Variants in SH3PXD2B observed in about 807,000 individuals in gnomAD.
SH3PXD2B encodes the protein SH3 and PX domain-containing protein 2B.
Under a neutral mutation model 73.1 loss-of-function variants are expected in SH3PXD2B, and 37 were observed. The observed-to-expected ratio is 0.51, with a 90% CI of 0.39 to 0.67. The LOEUF (loss-of-function observed/expected upper bound fraction) is 0.67, where lower values mean the gene tolerates loss of function less well. Among genes scored for constraint, SH3PXD2B ranks in the 30% least tolerant of loss-of-function variants. The pLI is 0.00. For missense variants in SH3PXD2B, 1,053 were observed against 1,197.8 expected, an observed-to-expected ratio of 0.88 and a Z score of 1.78; for synonymous variants, 457 against 480.5, an observed-to-expected ratio of 0.95 and a Z score of 0.64.
intron 5 of SH3PXD2B, among the ~76,000 whole-genome samples, chr5:172,378,198 C>T (rs1757860337): frequency 6.6e-6 from 1 of 152,212 alleles, no homozygotes; most frequent in African/African-American, 2.4e-5. Flanking sequence ...CAGCAGCTGC[C>T]CCTGGCCTGG....
chr5:172,365,385 A>G (rs1757490681), intron 6 of SH3PXD2B, among the ~76,000 whole-genome samples: 1 of 152,216 alleles, frequency 6.6e-6, no homozygotes, highest in African/African-American at 2.4e-5. Flanking sequence ...GCTATGGACA[A>G]AGCTGGACTC....
In SH3PXD2B at chr5:172,431,547, A is replaced by G. The variant is rs534272319; in HGVS notation, c.76-9051T>C. Reference sequence around the variant, plus strand: ...GTTTTTGTGCAACTAAAACAATTCCATGAATTACAGGGGAAAAGTTCAGGC... The same window carrying G: ...GTTTTTGTGCAACTAAAACAATTCCGTGAATTACAGGGGAAAAGTTCAGGC... On this transcript the variant is annotated intron_variant, in intron 1 of 12. Transcript: ENST00000311601. 5.3e-5 allele frequency among the ~76,000 whole-genome samples: 8 copies of G among 152,368 alleles called. No homozygotes were observed. In the South Asian group the frequency reaches 6.2e-4, roughly 12 times the overall value.
intron 5 of SH3PXD2B, 51 bp from the exon 6 acceptor site, chr5:172,373,866 T>G (rs199630931): frequency 3.5e-4 from 551 of 1,591,232 alleles, no homozygotes; most frequent in Non-Finnish European, 4.1e-4. Context: ...GTACTTGCCA[T>G]GTATTGACGT....
At chr5:172,325,257 C>G in exon 13 of SH3PXD2B, 1 of 1,509,522 alleles carries the variant, frequency 6.6e-7, no homozygotes, top group Non-Finnish European at 8.9e-7. Flanking sequence ...TTCACAGCAG[C>G]AAGGACATGA....
intron 5 of SH3PXD2B, 39 bp from the exon 6 acceptor site, chr5:172,373,854 C>A: frequency 6.2e-7 from 1 of 1,609,726 alleles, no homozygotes; most frequent in South Asian, 1.1e-5. Context: ...AGTAACGAGT[C>A]AGTACTTGCC....
intron 2 of SH3PXD2B, among the ~76,000 whole-genome samples, chr5:172,418,014 AC>A (rs1241196359): frequency 5.3e-5 from 8 of 152,094 alleles, no homozygotes; most frequent in African/African-American, 1.9e-4. Context: ...CCTCTTTTGG[AC>A]ACAGATAAGT....
intron 12 of SH3PXD2B, among the ~76,000 whole-genome samples, chr5:172,345,093 A>AGAAGGAGGGAAGGAAGAAGG (rs1756964177): frequency 6.8e-6 from 1 of 146,240 alleles, no homozygotes. Flanking sequence ...AGGGAAGGAA[A>AGAAGGAGGGAAGGAAGAAGG]GAAGGAGGGA....
intron 1 of SH3PXD2B, among the ~76,000 whole-genome samples, chr5:172,423,012 C>T (rs1759007922): frequency 6.6e-6 from 1 of 152,064 alleles, no homozygotes; most frequent in Non-Finnish European, 1.5e-5. Context: ...GCACCTGCTT[C>T]CTCTGCCTCC....
At chr5:172,373,757 G>C (rs1226149672) in intron 6 of SH3PXD2B, 33 bp downstream of exon 6, 6 of 1,605,626 alleles carry the variant, frequency 3.7e-6, no homozygotes, top group Non-Finnish European at 5.1e-6. Flanking sequence ...GCCGAAAACT[G>C]AACGAAGAGA....
intron 1 of SH3PXD2B, among the ~76,000 whole-genome samples, chr5:172,431,160 C>T (rs540187274): frequency 6.6e-6 from 1 of 152,262 alleles, no homozygotes; most frequent in Non-Finnish European, 1.5e-5. Flanking sequence ...AGCCACCGCG[C>T]CCAGGCTGTA....
intron 2 of SH3PXD2B, among the ~76,000 whole-genome samples, chr5:172,418,287 T>G (rs1288741328): frequency 6.6e-6 from 1 of 152,220 alleles, no homozygotes; most frequent in Non-Finnish European, 1.5e-5. Flanking sequence ...CATTCAGTGT[T>G]CCAGAAATGC....
intron 1 of SH3PXD2B, among the ~76,000 whole-genome samples, chr5:172,435,192 A>G (rs148058135): frequency 7.2e-5 from 11 of 152,298 alleles, no homozygotes; most frequent in Non-Finnish European, 1.3e-4. Context: ...ATTTCCTTCT[A>G]TTTTTAGCAA....
rs1756641796 is a variant in SH3PXD2B, at chr5:172,334,535, A to G, written c.*3834T>C. ...CCCTTGGGGGATAAGACAGCCACAC[A>G]TGGCTCAGGCTGTTAGGTGTCCACT... is the stretch of plus-strand genomic sequence containing the variant. On this transcript the variant is annotated 3_prime_UTR_variant, in exon 13 of 13. Coordinates refer to ENST00000311601, the MANE Select transcript of SH3PXD2B (RefSeq NM_001017995.3). 1 of 985,546 alleles carries G rather than the reference A, an allele frequency of 1.0e-6. No individual in the cohort carries two copies. Among genetic ancestry groups the G allele is most frequent in the Non-Finnish European group, 1.2e-6 (1 of 830,080 alleles). 61.1% of individuals were successfully genotyped at this position (985,546 alleles called of 1,614,324 possible). A position where few individuals can be genotyped will look rare whatever the true frequency, so the allele number is the denominator to read the frequency against.
At chr5:172,373,725 A>G in intron 6 of SH3PXD2B, 65 bp downstream of exon 6, 1 of 1,531,982 alleles carries the variant, frequency 6.5e-7, no homozygotes, top group Non-Finnish European at 8.9e-7. Flanking sequence ...CCTGGTGCAC[A>G]GTTGGTGCTC....
At chr5:172,341,646 G>C (rs1756853276) in intron 12 of SH3PXD2B, among the ~76,000 whole-genome samples, 1 of 152,046 alleles carries the variant, frequency 6.6e-6, no homozygotes, top group Non-Finnish European at 1.5e-5. Context: ...CCCAGTCTCA[G>C]GTATTTATTT....
At chr5:172,423,646 CT>C (rs1262413276) in intron 1 of SH3PXD2B, among the ~76,000 whole-genome samples, 1 of 151,540 alleles carries the variant, frequency 6.6e-6, no homozygotes, top group Non-Finnish European at 1.5e-5. Context: ...TGTCCTGGGA[CT>C]TTTTTGGTTT....
chr5:172,385,079 C>G (rs930465307), intron 4 of SH3PXD2B, among the ~76,000 whole-genome samples: 1 of 152,168 alleles, frequency 6.6e-6, no homozygotes, highest in African/African-American at 2.4e-5. Context: ...TCTGGTCCCC[C>G]TTCTTTTTCT....
intron 5 of SH3PXD2B, 138 bp downstream of exon 5, chr5:172,381,898 C>CT (rs1757955132): frequency 1.6e-6 from 1 of 642,880 alleles, no homozygotes; most frequent in African/African-American, 1.8e-5. Flanking sequence ...ACTCTGAAGG[C>CT]TAAGTGAAGT....
chr5:172,406,171 T>C lies in SH3PXD2B; in HGVS notation c.232+106A>G. 3 of 1,232,572 alleles carry C rather than the reference T, an allele frequency of 2.4e-6. 1 individual carries two copies. In the South Asian group the frequency reaches 3.9e-5, roughly 16 times the overall value. 76.4% of individuals were successfully genotyped at this position (1,232,572 alleles called of 1,614,324 possible). ...ATGGCTGAGATTCTGGTCAGTGGGA[T>C]GGTGTCCCCTGATAAAGGAAGACAA... On this transcript the variant is annotated intron_variant, in intron 3 of 12. Coordinates refer to ENST00000311601, the MANE Select transcript of SH3PXD2B (RefSeq NM_001017995.3).
Sources: allele counts gnomAD v4.1 joint callset (sites outside exome capture counted in the v4.1 genomes callset), GRCh38; gene constraint gnomAD v4.1.1; transcripts MANE v1.5; gene names NCBI Gene and HGNC (gene_info 2026-07-23, HGNC 2026-07-21).